The following EYA2 variants were observed in gnomAD, a reference collection of about 807,000 sequenced individuals.
The protein encoded by EYA2 is protein phosphatase EYA2.
In EYA2, 31 loss-of-function variants were observed where a neutral mutation model predicts 69.2. The observed-to-expected ratio is 0.45, with a 90% CI of 0.34 to 0.60. EYA2 has a LOEUF of 0.60. Among genes scored for constraint, EYA2 ranks in the 20% least tolerant of loss-of-function variants. EYA2 has a pLI of 0.02. For synonymous variants in EYA2, 257 were observed against 279.4 expected (o/e 0.92, Z 0.80); for missense variants, 622 against 701.2 (o/e 0.89, Z 1.28).
At chr20:46,903,449 T>C (rs574834156) in intron 1 of EYA2, among the ~76,000 whole-genome samples, 2 of 152,214 alleles carry the variant, frequency 1.3e-5, no homozygotes, top group Non-Finnish European at 2.9e-5. Context: ...CAATGCGTTG[T>C]GCAGAATGAG....
At chr20:46,990,866 A>C (rs1039687363) in intron 2 of EYA2, among the ~76,000 whole-genome samples, 1 of 152,180 alleles carries the variant, frequency 6.6e-6, no homozygotes, top group Non-Finnish European at 1.5e-5. Flanking sequence ...AATGCTATGT[A>C]ACTGTCGTGG....
chr20:47,011,990 C>A (rs1243645999), intron 4 of EYA2, among the ~76,000 whole-genome samples: 1 of 152,192 alleles, frequency 6.6e-6, no homozygotes, highest in Non-Finnish European at 1.5e-5. Context: ...TGCTTCTCCT[C>A]TGCTGTGTGT....
chr20:47,164,359 A>C (rs967762655), intron 10 of EYA2, among the ~76,000 whole-genome samples: 3 of 152,170 alleles, frequency 2.0e-5, no homozygotes, highest in Admixed American at 6.5e-5. Flanking sequence ...AATGAGAAAA[A>C]CAGAGCCTCC....
rs374166325 is a variant in EYA2, at chr20:47,139,443, T to C, written c.889-3616T>C. Among the ~76,000 whole-genome samples the C allele has an allele frequency of 1.9e-4, 29 of 152,214 alleles. No individual in the cohort carries two copies. In the East Asian group the frequency reaches 2.5e-3, roughly 13 times the overall value. ...TCCAAATTATTTTTATTTTATTTTA[T>C]TTTTTTGGTACGGAGTTTCACTCTT... On this transcript the variant is annotated intron_variant, in intron 9 of 15. Transcript: ENST00000327619.
intron 10 of EYA2, chr20:47,161,271 C>T (rs1406500501): frequency 9.3e-6 from 5 of 535,524 alleles, no homozygotes; most frequent in South Asian, 6.5e-5. Context: ...ATGATGGCCC[C>T]GCGGATGGCG....
At chr20:47,078,455 C>T (rs1275016253) in intron 7 of EYA2, among the ~76,000 whole-genome samples, 5 of 152,176 alleles carry the variant, frequency 3.3e-5, no homozygotes, top group African/African-American at 9.6e-5. Context: ...TCCAGAGGCT[C>T]TAGAGGTTTA....
intron 9 of EYA2, among the ~76,000 whole-genome samples, chr20:47,125,976 A>G (rs2033181322): frequency 6.6e-6 from 1 of 152,126 alleles, no homozygotes; most frequent in Non-Finnish European, 1.5e-5. Context: ...ACGTCAGGGT[A>G]ATTGACACAG....
At chr20:47,087,655 C>T (rs1333848374) in intron 7 of EYA2, among the ~76,000 whole-genome samples, 1 of 152,236 alleles carries the variant, frequency 6.6e-6, no homozygotes, top group Non-Finnish European at 1.5e-5. Context: ...TGCTGCTTCA[C>T]TTGTTGGGGA....
In EYA2 at chr20:47,074,303, A is replaced by G. The variant is rs768036699; in HGVS notation, c.629A>G (p.Asn210Ser). ...TACGTCCTCCAGGAGGCATCTCACAACGTCCCCAACCAGAGTTCCGAGTCA... is the reference window on the plus strand; with the variant it reads ...TACGTCCTCCAGGAGGCATCTCACAGCGTCCCCAACCAGAGTTCCGAGTCA... ...STYVLQEASH[N>S]VPNQSSESLA... The change falls in exon 7 of 16, where the codon AAC (asparagine) becomes AGC (serine). Residue 210 changes from asparagine to serine, a missense_variant. By Grantham distance (46) the Asn-to-Ser change is conservative. This residue lies in a region of EYA2 where 365 missense variants were observed against 349.7 expected (regional missense o/e 1.04). Coordinates refer to ENST00000327619, the MANE Select transcript of EYA2 (RefSeq NM_005244.5). 6.2e-7 allele frequency: 1 copy of G among 1,613,944 alleles called. No homozygotes were observed. Among genetic ancestry groups the G allele is most frequent in the Non-Finnish European group, 8.5e-7 (1 of 1,179,934 alleles).
intron 7 of EYA2, among the ~76,000 whole-genome samples, chr20:47,084,285 A>C (rs1485516657): frequency 6.6e-6 from 1 of 152,148 alleles, no homozygotes; most frequent in Non-Finnish European, 1.5e-5. Flanking sequence ...TCACGCCTCT[A>C]ATCCCAGCAC....
At chr20:47,004,449 C>T (rs111902304) in intron 3 of EYA2, among the ~76,000 whole-genome samples, 2 of 151,034 alleles carry the variant, frequency 1.3e-5, no homozygotes, top group Admixed American at 1.3e-4. Flanking sequence ...AATCAGTAAA[C>T]CTCGACATCT....
At chr20:46,899,492 C>T (rs996605992) in intron 1 of EYA2, among the ~76,000 whole-genome samples, 1 of 152,180 alleles carries the variant, frequency 6.6e-6, no homozygotes, top group Non-Finnish European at 1.5e-5. Context: ...TAACACTACG[C>T]ATTTCAGGTC....
chr20:46,963,039 C>T (rs561344071), intron 1 of EYA2, among the ~76,000 whole-genome samples: 20 of 152,336 alleles, frequency 1.3e-4, no homozygotes, highest in Middle Eastern at 3.4e-3. Context: ...CGTGGGATGA[C>T]GGCAAGTGGC....
At chr20:47,083,446 C>T (rs111835728) in intron 7 of EYA2, among the ~76,000 whole-genome samples, 7 of 151,978 alleles carry the variant, frequency 4.6e-5, no homozygotes, top group East Asian at 1.9e-4. Context: ...GGCTTGGTGG[C>T]GCACACCTGT....
intron 5 of EYA2, among the ~76,000 whole-genome samples, chr20:47,020,396 G>A (rs776640037): frequency 7.9e-5 from 12 of 152,136 alleles, no homozygotes; most frequent in Non-Finnish European, 1.3e-4. Flanking sequence ...GCCCCTCCAT[G>A]GAATATACAA....
At chr20:47,180,389 A>T (rs916787847) in intron 13 of EYA2, among the ~76,000 whole-genome samples, 108 of 152,314 alleles carry the variant, frequency 7.1e-4, no homozygotes, top group African/African-American at 2.5e-3. Flanking sequence ...AGCATAGCTG[A>T]GCTAATAGCG....
chr20:47,078,362 C>CACACAT (rs1364063715), intron 7 of EYA2, among the ~76,000 whole-genome samples: 2 of 150,354 alleles, frequency 1.3e-5, no homozygotes, highest in African/African-American at 5.0e-5. Flanking sequence ...CACACACACA[C>CACACAT]ATTCATGCAC....
At chr20:47,022,858 G>C (rs1170265365) in intron 5 of EYA2, among the ~76,000 whole-genome samples, 2 of 151,786 alleles carry the variant, frequency 1.3e-5, no homozygotes, top group East Asian at 3.9e-4. Flanking sequence ...GTTTCATTGT[G>C]TTGCATAGGC....
In EYA2 at chr20:46,987,811, C is replaced by G. The variant is rs541448721; in HGVS notation, c.-10-2190C>G. Among the ~76,000 whole-genome samples the G allele has an allele frequency of 4.6e-5, 7 of 151,162 alleles. No individual in the cohort carries two copies. The East Asian group carries it at 1.4e-3, about 29-fold the overall frequency. ...GTGTGGTGGTGTGCACCTGTAATCT[C>G]AGCTACTCGGGAGGCTGAGGTAGGA... On this transcript the variant is annotated intron_variant, in intron 1 of 15. Transcript: ENST00000327619.
Sources: allele counts gnomAD v4.1 joint callset (sites outside exome capture counted in the v4.1 genomes callset), GRCh38; gene constraint gnomAD v4.1.1; regional missense constraint gnomAD v4.1.1; transcripts MANE v1.5; gene names NCBI Gene and HGNC (gene_info 2026-07-23, HGNC 2026-07-21).